Variants in CEP112 observed in about 807,000 individuals in gnomAD.
CEP112 encodes centrosomal protein 112.
A neutral mutation model predicts 153.0 loss-of-function variants in CEP112; 127 were observed. The observed-to-expected ratio is 0.83, with a 90% CI of 0.72 to 0.96. The LOEUF is 0.96. Ranked by LOEUF, CEP112 falls within the 40% of genes least tolerant of loss-of-function variation. The pLI, the probability that CEP112 is intolerant of heterozygous loss-of-function variation, is 0.00. For synonymous variants in CEP112, 358 were observed against 374.4 expected (o/e 0.96, Z 0.51); for missense variants, 1,089 against 1,101.2 (o/e 0.99, Z 0.16).
At chr17:65,662,086 G>T (rs995359147) in intron 24 of CEP112, among the ~76,000 whole-genome samples, 1 of 151,866 alleles carries the variant, frequency 6.6e-6, no homozygotes, top group Admixed American at 6.6e-5. Context: ...CTCCCACCTC[G>T]GCCTCCTGAG....
chr17:65,887,852 C>G (rs1568173664), intron 20 of CEP112, among the ~76,000 whole-genome samples: 1 of 152,172 alleles, frequency 6.6e-6, no homozygotes, highest in South Asian at 2.1e-4. Flanking sequence ...GGTTTACCTT[C>G]CTCATGGAGG....
intron 4 of CEP112, among the ~76,000 whole-genome samples, chr17:66,147,521 A>G (rs186706024): frequency 6.8e-4 from 104 of 152,174 alleles, no homozygotes; most frequent in African/African-American, 2.4e-3. Context: ...ATTTTGATGT[A>G]GTTCAATGTA....
chr17:65,767,815 G>A (rs914839015), intron 21 of CEP112, among the ~76,000 whole-genome samples: 1 of 151,866 alleles, frequency 6.6e-6, no homozygotes, highest in Non-Finnish European at 1.5e-5. Flanking sequence ...ACTGAAGAAG[G>A]TTGAATAAGA....
intron 19 of CEP112, among the ~76,000 whole-genome samples, chr17:65,905,434 A>G (rs2060034217): frequency 6.6e-6 from 1 of 152,202 alleles, no homozygotes; most frequent in Non-Finnish European, 1.5e-5. Flanking sequence ...TGGTGATCAT[A>G]AAAAGTCAGG....
At chr17:66,044,433 C>T (rs2066114799) in intron 12 of CEP112, among the ~76,000 whole-genome samples, 1 of 152,142 alleles carries the variant, frequency 6.6e-6, no homozygotes, top group South Asian at 2.1e-4. Flanking sequence ...TACACGGCAG[C>T]ATTATTCACA....
chr17:65,739,625 G>A (rs953843082), intron 23 of CEP112, among the ~76,000 whole-genome samples: 3 of 151,936 alleles, frequency 2.0e-5, no homozygotes, highest in Non-Finnish European at 4.4e-5. Context: ...AATCTCAGCT[G>A]CTTGGGAGGC....
At chr17:65,739,758 C>A (rs1019389710) in intron 23 of CEP112, among the ~76,000 whole-genome samples, 1 of 152,124 alleles carries the variant, frequency 6.6e-6, no homozygotes, top group South Asian at 2.1e-4. Flanking sequence ...TCTACTCTTA[C>A]GAATTTTGTT....
At chr17:65,802,153 A>AC (rs1417008735) in intron 21 of CEP112, among the ~76,000 whole-genome samples, 1 of 152,138 alleles carries the variant, frequency 6.6e-6, no homozygotes, top group Non-Finnish European at 1.5e-5. Context: ...TCAGCTAATG[A>AC]TTGGGTAGAG....
Position 65,759,848 on chromosome 17 carries a change from C to T in CEP112, c.2395-9124G>A, listed in dbSNP as rs559938616. Among the ~76,000 whole-genome samples the T allele has an allele frequency of 4.6e-5, 7 of 152,190 alleles. No individual in the cohort carries two copies. The East Asian group carries it at 5.8e-4, about 13-fold the overall frequency. On this transcript the variant is annotated intron_variant, in intron 21 of 26. Transcript: ENST00000535342. ...TCATACATACAGATGGTTCTTGACA[C>T]GCAATGGCATTTCACCCCGATAAAT...
At position 65,914,278 on chromosome 17, in the gene CEP112, T is replaced by C. The variant is rs187825749; in HGVS notation, c.1981-11944A>G. ...GTGTCTTAATCTAGTATGTTACTGC[T>C]TTTGAATGAACATGAAATATAAAAA... is the stretch of plus-strand genomic sequence containing the variant. On this transcript the variant is annotated intron_variant, in intron 19 of 26. Coordinates refer to ENST00000535342, the MANE Select transcript of CEP112 (RefSeq NM_001199165.4). 1.1e-3 allele frequency among the ~76,000 whole-genome samples: 164 copies of C among 150,546 alleles called. 1 individual carries two copies. Among genetic ancestry groups the C allele is most frequent in the African/African-American group, 3.8e-3 (155 of 40,868 alleles).
chr17:65,690,804 G>T (rs1325275178), intron 23 of CEP112, among the ~76,000 whole-genome samples: 1 of 152,170 alleles, frequency 6.6e-6, no homozygotes, highest in Admixed American at 6.5e-5. Context: ...ACATAACAGG[G>T]TTCAAGTCAC....
chr17:65,905,307 T>C (rs1366632568), intron 19 of CEP112, among the ~76,000 whole-genome samples: 1 of 152,018 alleles, frequency 6.6e-6, no homozygotes, highest in Non-Finnish European at 1.5e-5. Context: ...AACAGACACT[T>C]CTCAAAAAAA....
At chr17:65,859,780 G>A (rs556101090) in intron 20 of CEP112, among the ~76,000 whole-genome samples, 3 of 150,328 alleles carry the variant, frequency 2.0e-5, no homozygotes, top group Non-Finnish European at 4.4e-5. Context: ...AGGCCAAGGC[G>A]GGCAGATCAC....
chr17:66,186,777 C>G, intron 1 of CEP112, among the ~76,000 whole-genome samples: 1 of 152,188 alleles, frequency 6.6e-6, no homozygotes, highest in Non-Finnish European at 1.5e-5. Context: ...TCCTACTCCA[C>G]AAAGCAACTT....
intron 21 of CEP112, among the ~76,000 whole-genome samples, chr17:65,789,522 C>T (rs2054476298): frequency 6.6e-6 from 1 of 152,188 alleles, no homozygotes; most frequent in Admixed American, 6.5e-5. Context: ...CTTTACCTCT[C>T]CAGCTTCATG....
chr17:65,921,776 C>G (rs1013013961), intron 19 of CEP112, among the ~76,000 whole-genome samples: 1 of 152,026 alleles, frequency 6.6e-6, no homozygotes, highest in Non-Finnish European at 1.5e-5. Context: ...ATCGGTATCC[C>G]TTATTGTGTT....
chr17:66,095,712 T>C (rs1456752009), intron 8 of CEP112, among the ~76,000 whole-genome samples: 2 of 152,210 alleles, frequency 1.3e-5, no homozygotes, highest in African/African-American at 2.4e-5. Context: ...GATTCATATA[T>C]CAAGCTCAAT....
At chr17:65,683,183 TAAACAC>T (rs1374450257) in intron 24 of CEP112, among the ~76,000 whole-genome samples, 2 of 152,172 alleles carry the variant, frequency 1.3e-5, no homozygotes, top group East Asian at 3.9e-4. Flanking sequence ...CTGCAACCCC[TAAACAC>T]ACACAATTAC....
intron 23 of CEP112, among the ~76,000 whole-genome samples, chr17:65,706,160 C>T (rs1394230501): frequency 6.6e-6 from 1 of 152,000 alleles, no homozygotes; most frequent in African/African-American, 2.4e-5. Context: ...ATTTTATGTA[C>T]AGTAAAATGA....
Sources: gnomAD v4.1 joint callset for allele counts (sites outside exome capture counted in the v4.1 genomes callset) on GRCh38, gnomAD v4.1.1 for gene constraint, MANE v1.5 for transcripts, NCBI Gene and HGNC (gene_info 2026-07-23, HGNC 2026-07-21) for gene names.